The following ACOT12 variants were observed in gnomAD, a reference collection of about 807,000 sequenced individuals.
The protein encoded by ACOT12 is acetyl-coenzyme A thioesterase.
In ACOT12, 51 loss-of-function variants were observed where a neutral mutation model predicts 67.7. The observed-to-expected ratio is 0.75, with a 90% CI of 0.60 to 0.95. The LOEUF (loss-of-function observed/expected upper bound fraction) is 0.95. Among genes scored for constraint, ACOT12 ranks in the 40% least tolerant of loss-of-function variants. ACOT12 has a pLI of 0.00. For missense variants in ACOT12, 734 were observed against 708.1 expected (o/e 1.04, Z -0.41); for synonymous variants, 251 against 244.6 (o/e 1.03, Z -0.24).
intron 3 of ACOT12, among the ~76,000 whole-genome samples, chr5:81,365,797 G>A (rs1427208293): frequency 6.6e-6 from 1 of 152,074 alleles, no homozygotes; most frequent in Non-Finnish European, 1.5e-5. Context: ...GGTAATTTAC[G>A]GTTAGGTTAG....
Position 81,330,818 on chromosome 5 carries a change from C to T in ACOT12, c.1514G>A (p.Cys505Tyr), listed in dbSNP as rs1471328342. 1.2e-6 allele frequency: 2 copies of T among 1,613,416 alleles called. No homozygotes were observed. Among genetic ancestry groups the T allele is most frequent in the Admixed American group, 1.7e-5 (1 of 59,740 alleles). Reference sequence around the variant, plus strand: ...CAGATGTTTCATCAAACTTACGATGCATGAATTGCTGTCAATAGCATGGAT... The same window carrying T: ...CAGATGTTTCATCAAACTTACGATGTATGAATTGCTGTCAATAGCATGGAT... ...FLIHAIDSNS[C>Y]IVSYFNHMSA... The change falls in exon 14 of 15, where the codon TGC (cysteine) becomes TAC (tyrosine). Residue 505 changes from cysteine to tyrosine, a missense_variant. Cys to Tyr is a radical substitution (Grantham distance 194). Transcript: ENST00000307624.
intron 2 of ACOT12, among the ~76,000 whole-genome samples, chr5:81,384,998 A>G (rs1760688925): frequency 6.6e-6 from 1 of 152,228 alleles, no homozygotes; most frequent in African/African-American, 2.4e-5. Context: ...CTACAGTAAA[A>G]GATGGTTAAG....
At chr5:81,356,511 C>T (rs6452400) in intron 5 of ACOT12, among the ~76,000 whole-genome samples, 29,496 of 151,930 alleles carry the variant, frequency 0.19, 3,285 homozygotes, top group African/African-American at 0.3. Flanking sequence ...CTTCTCTAAG[C>T]AGTTGTCTCT....
intron 3 of ACOT12, 99 bp downstream of exon 3, chr5:81,371,651 C>T (rs1006294631): frequency 8.5e-7 from 1 of 1,176,538 alleles, no homozygotes; most frequent in Non-Finnish European, 1.3e-6. Flanking sequence ...TAGAGAATCT[C>T]ACTAACTCCA....
chr5:81,314,907 G>A, the ACOT12 span, among the ~76,000 whole-genome samples: 1 of 152,094 alleles, frequency 6.6e-6, no homozygotes, highest in South Asian at 2.1e-4. Context: ...AAACACCTGG[G>A]CTCCAGCGAT....
chr5:81,360,914 C>T (rs888156570), intron 4 of ACOT12, among the ~76,000 whole-genome samples: 1 of 151,384 alleles, frequency 6.6e-6, no homozygotes, highest in South Asian at 2.1e-4. Context: ...ACTGTCTGTA[C>T]TAAAAATACA....
At chr5:81,382,750 T>G (rs1022240320) in intron 2 of ACOT12, among the ~76,000 whole-genome samples, 1 of 150,968 alleles carries the variant, frequency 6.6e-6, no homozygotes, top group African/African-American at 2.4e-5. Context: ...TGCAGTGAGC[T>G]GAGATTGCGC....
Position 81,332,275 on chromosome 5 carries a change from A to C in ACOT12, c.1391+202T>G, listed in dbSNP as rs561664487. ...AAAGGAACTACTTTAGGATTCTTGC[A>C]TTGTCCTTTGCAAACAGCTGGCTCT... On this transcript the variant is annotated intron_variant, in intron 13 of 14. Coordinates refer to ENST00000307624, the MANE Select transcript of ACOT12 (RefSeq NM_130767.3). Among the ~76,000 whole-genome samples, 11 of 152,212 alleles carry C rather than the reference A, an allele frequency of 7.2e-5. No homozygotes were observed. The South Asian group carries it at 2.3e-3, about 32-fold the overall frequency.
intron 4 of ACOT12, among the ~76,000 whole-genome samples, chr5:81,361,939 A>G (rs1471087082): frequency 6.6e-6 from 1 of 152,222 alleles, no homozygotes; most frequent in Non-Finnish European, 1.5e-5. Context: ...AAGTAGTCCT[A>G]TGGGTTCAAA....
chr5:81,339,876 G>A (rs1212205772), intron 11 of ACOT12, among the ~76,000 whole-genome samples: 4 of 144,298 alleles, frequency 2.8e-5, no homozygotes, highest in Admixed American at 7.2e-5. Context: ...AATTTATATT[G>A]AAAACCTGGA....
At chr5:81,391,919 G>T (rs1253366540) in intron 1 of ACOT12, among the ~76,000 whole-genome samples, 1 of 152,130 alleles carries the variant, frequency 6.6e-6, no homozygotes, top group African/African-American at 2.4e-5. Flanking sequence ...TAGATGAGTT[G>T]GGTGCCACTC....
At chr5:81,332,249 A>G (rs750866180) in intron 13 of ACOT12, among the ~76,000 whole-genome samples, 34 of 152,220 alleles carry the variant, frequency 2.2e-4, no homozygotes, top group Non-Finnish European at 1.2e-4. Flanking sequence ...TTTACGTAGG[A>G]AAAGGAACTA....
the ACOT12 span, chr5:81,312,661 G>T: frequency 5.6e-6 from 9 of 1,604,310 alleles, no homozygotes; most frequent in East Asian, 1.3e-4. Flanking sequence ...GTTAATTTTT[G>T]ATAACAGCTA....
At chr5:81,389,936 C>T (rs1760820266) in intron 1 of ACOT12, among the ~76,000 whole-genome samples, 1 of 150,076 alleles carries the variant, frequency 6.7e-6, no homozygotes, top group Non-Finnish European at 1.5e-5. Flanking sequence ...AAATCTCTGA[C>T]ACTTTATTTT....
intron 3 of ACOT12, among the ~76,000 whole-genome samples, chr5:81,371,460 C>T (rs1260079758): frequency 2.6e-5 from 4 of 152,006 alleles, no homozygotes; most frequent in African/African-American, 4.8e-5. Context: ...GCTATCTTGC[C>T]CAGGCTGGTG....
At chr5:81,389,323 C>A (rs1760806415) in intron 1 of ACOT12, among the ~76,000 whole-genome samples, 1 of 152,052 alleles carries the variant, frequency 6.6e-6, no homozygotes, top group South Asian at 2.1e-4. Context: ...CCTTGAAGCT[C>A]TTGGTTCAAA....
At chr5:81,339,793 C>T (rs1303466350) in intron 11 of ACOT12, among the ~76,000 whole-genome samples, 2 of 152,148 alleles carry the variant, frequency 1.3e-5, no homozygotes, top group Non-Finnish European at 2.9e-5. Context: ...ATACATGAAA[C>T]ATGAAACGAA....
chr5:81,340,508 C>T lies in ACOT12; in HGVS notation c.1128+2164G>A, dbSNP rs146431463. Among the ~76,000 whole-genome samples the T allele has an allele frequency of 7.4e-4, 112 of 152,132 alleles. 1 individual carries two copies. The South Asian group carries it at 0.013, about 18-fold the overall frequency. Reference sequence around the variant, plus strand: ...TCCCAAATAGCTGGGATTACAGGCGCCTGCCACTGCCCCTGTCTAATTTTT... The same window carrying T: ...TCCCAAATAGCTGGGATTACAGGCGTCTGCCACTGCCCCTGTCTAATTTTT... On this transcript the variant is annotated intron_variant, in intron 11 of 14. Coordinates refer to ENST00000307624, the MANE Select transcript of ACOT12 (RefSeq NM_130767.3).
At chr5:81,326,767 A>G (rs149170726), downstream of ACOT12, among the ~76,000 whole-genome samples, 5 of 152,266 alleles carry the variant, frequency 3.3e-5, no homozygotes, top group East Asian at 1.9e-4. Flanking sequence ...ACCTTGACCT[A>G]TTTAGTTGTC....
Sources: allele counts gnomAD v4.1 joint callset (sites outside exome capture counted in the v4.1 genomes callset), GRCh38; gene constraint gnomAD v4.1.1; transcripts MANE v1.5; gene names NCBI Gene and HGNC (gene_info 2026-07-23, HGNC 2026-07-21).